The following NHS variants were observed in gnomAD, a reference collection of about 807,000 sequenced individuals.
NHS encodes actin remodeling regulator NHS.
A neutral mutation model predicts 72.5 loss-of-function variants in NHS; 5 were observed. That is an observed-to-expected ratio of 0.07 (90% CI 0.04 to 0.14). The LOEUF (loss-of-function observed/expected upper bound fraction) is 0.14, where lower values mean the gene tolerates loss of function less well. NHS is among the 10% of genes least tolerant of loss of function. The pLI is 1.00. For missense variants in NHS, 1,072 were observed against 1,355.7 expected (o/e 0.79, Z 3.29); for synonymous variants, 464 against 547.7 (o/e 0.85, Z 2.13).
intron 1 of NHS, among the ~76,000 whole-genome samples, chrX:17,382,916 C>A (rs1043911885): frequency 2.2e-4 from 25 of 111,922 alleles, no homozygotes; most frequent in Non-Finnish European, 3.9e-4. Flanking sequence ...CCAGAGGTGC[C>A]AGCAGGTTAA....
rs754186399 is a variant in NHS at position 17,536,312 on chromosome X, G to A, written c.566-151430G>A. Among the ~76,000 whole-genome samples the A allele has an allele frequency of 5.0e-4, 56 of 112,534 alleles. 1 individual carries two copies. The highest frequency in any genetic ancestry group is 3.9e-3 in the Admixed American group (42 of 10,706). ...GGAGCTTGCAGTGAGCCGAGATCGC[G>A]CCACTGCACTCCAGCCTGGGCAACA... On this transcript the variant is annotated intron_variant, in intron 1 of 8. Coordinates refer to ENST00000676302, the MANE Select transcript of NHS (RefSeq NM_001291867.2).
chrX:17,726,699 G>A lies in NHS; in HGVS notation c.2593G>A (p.Ala865Thr), dbSNP rs149609550. 1,893 of 1,210,303 alleles carry A rather than the reference G, an allele frequency of 1.6e-3. 1 individual carries two copies. The highest frequency in any genetic ancestry group is 1.9e-3 in the Non-Finnish European group (1,700 of 895,331). ...ATCATTGAGGAAGTCTGATGGAAACGCAGATATTTCTGAGAAGAAAGAACC... is the reference window on the plus strand; with the variant it reads ...ATCATTGAGGAAGTCTGATGGAAACACAGATATTTCTGAGAAGAAAGAACC... ...SSSLRKSDGN[A>T]DISEKKEPKI... Residue 865 changes from alanine (A) to threonine (T), a missense_variant, in exon 7 of 9, where the codon GCA (alanine) becomes ACA (threonine). Physicochemically the swap from Ala to Thr is moderately conservative, Grantham distance 58. Coordinates refer to ENST00000676302, the MANE Select transcript of NHS (RefSeq NM_001291867.2).
chrX:17,446,391 C>A (rs1379122568), intron 1 of NHS, among the ~76,000 whole-genome samples: 2 of 111,300 alleles, frequency 1.8e-5, no homozygotes, highest in African/African-American at 6.5e-5. Context: ...TGAAGAATCA[C>A]AACAGAAGTG....
At chrX:17,470,908 A>G (rs930656195) in intron 1 of NHS, among the ~76,000 whole-genome samples, 3 of 111,542 alleles carry the variant, frequency 2.7e-5, no homozygotes, top group African/African-American at 9.8e-5. Context: ...ATTGACAGAC[A>G]AGGTAGGCTT....
chrX:17,663,934 T>C (rs1259270499), intron 1 of NHS, among the ~76,000 whole-genome samples: 1 of 112,126 alleles, frequency 8.9e-6, no homozygotes, highest in Admixed American at 9.4e-5. Context: ...TTCATTTGCA[T>C]TTCTGTGATG....
intron 1 of NHS, chrX:17,552,261 G>A (rs5909374): frequency 0.28 from 31,711 of 111,534 alleles, 3,588 homozygotes; most frequent in East Asian, 0.71. Flanking sequence ...CATCTGCTGG[G>A]AATAGTATTT....
rs188645959 is a variant in NHS at position 17,681,091 on chromosome X, G to T, written c.566-6651G>T. ...TGTCAGAGAGGTCACAGGCTCCCCA[G>T]TTGTGGGCAGTCTTCTTTCCAGTTT... is the stretch of plus-strand genomic sequence containing the variant. On this transcript the variant is annotated intron_variant, in intron 1 of 8. Coordinates refer to ENST00000676302, the MANE Select transcript of NHS (RefSeq NM_001291867.2). 8.9e-5 allele frequency among the ~76,000 whole-genome samples: 10 copies of T among 112,064 alleles called. No individual in the cohort carries two copies. The East Asian group carries it at 2.8e-3, about 32-fold the overall frequency.
chrX:17,650,725 C>T (rs1175537139), intron 1 of NHS, among the ~76,000 whole-genome samples: 2 of 112,460 alleles, frequency 1.8e-5, no homozygotes, highest in African/African-American at 6.5e-5. Flanking sequence ...CTTGTAGAGT[C>T]AATTCTTCCA....
rs777191283 is a variant in NHS, at chrX:17,608,697, A to C, written c.566-79045A>C. ...TTTTTTTTTTTTTTGGGGGGATATA[A>C]GTTTATGTGTGTGTTGAAGCCCTTG... is the stretch of plus-strand genomic sequence containing the variant. On this transcript the variant is annotated intron_variant, in intron 1 of 8. Coordinates refer to ENST00000676302, the MANE Select transcript of NHS (RefSeq NM_001291867.2). Among the ~76,000 whole-genome samples the C allele has an allele frequency of 5.5e-5, 6 of 109,802 alleles. No individual in the cohort carries two copies. The East Asian group carries it at 1.7e-3, about 31-fold the overall frequency.
chrX:17,666,316 A>G (rs1228542503), intron 1 of NHS, among the ~76,000 whole-genome samples: 2 of 112,436 alleles, frequency 1.8e-5, no homozygotes, highest in African/African-American at 3.2e-5. Context: ...GTAGAGGTAA[A>G]TGCAACTCTT....
At chrX:17,424,400 T>G (rs1437606953) in intron 1 of NHS, among the ~76,000 whole-genome samples, 1 of 111,550 alleles carries the variant, frequency 9.0e-6, no homozygotes, top group African/African-American at 3.3e-5. Context: ...GTCCCTACAG[T>G]GTGGAGATGG....
chrX:17,498,748 A>G (rs6629231), intron 1 of NHS, among the ~76,000 whole-genome samples: 2 of 109,580 alleles, frequency 1.8e-5, no homozygotes, highest in East Asian at 5.8e-4. Flanking sequence ...CGGAGAAACA[A>G]CAAAGAGATC....
At chrX:17,511,359 G>A (rs1470905693) in intron 1 of NHS, among the ~76,000 whole-genome samples, 1 of 111,758 alleles carries the variant, frequency 8.9e-6, no homozygotes, top group Non-Finnish European at 1.9e-5. Context: ...GCACTCTTCT[G>A]CCCCTGTCAC....
intron 1 of NHS, among the ~76,000 whole-genome samples, chrX:17,415,746 A>G (rs780261207): frequency 8.9e-6 from 1 of 112,083 alleles, no homozygotes; most frequent in Non-Finnish European, 1.9e-5. Flanking sequence ...CAAACATTCC[A>G]CAAGTTGGAG....
At chrX:17,437,106 A>C (rs1173834356) in intron 1 of NHS, among the ~76,000 whole-genome samples, 1 of 111,579 alleles carries the variant, frequency 9.0e-6, no homozygotes, top group Non-Finnish European at 1.9e-5. Flanking sequence ...CCCGGAAAAC[A>C]TGCGGTGGGC....
At chrX:17,723,770 T>TGTGTGTGTGTGCGTGTGCGC (rs541219770) in intron 5 of NHS, among the ~76,000 whole-genome samples, 1 of 91,337 alleles carries the variant, frequency 1.1e-5, no homozygotes, top group African/African-American at 5.1e-5. Flanking sequence ...TGTGTGTGTG[T>TGTGTGTGTGTGCGTGTGCGC]GCGCGCGCGT....
At chrX:17,662,833 C>T (rs2065988961) in intron 1 of NHS, among the ~76,000 whole-genome samples, 1 of 112,076 alleles carries the variant, frequency 8.9e-6, no homozygotes, top group Non-Finnish European at 1.9e-5. Flanking sequence ...GGTGTTACCT[C>T]AAAATCTAGG....
intron 1 of NHS, among the ~76,000 whole-genome samples, chrX:17,606,099 G>A (rs1294982368): frequency 2.7e-5 from 3 of 111,987 alleles, no homozygotes; most frequent in African/African-American, 6.5e-5. Flanking sequence ...ATTAGCTCCC[G>A]TGGGGTATGG....
intron 1 of NHS, among the ~76,000 whole-genome samples, chrX:17,673,039 G>A (rs927241521): frequency 9.0e-6 from 1 of 110,844 alleles, no homozygotes; most frequent in Non-Finnish European, 1.9e-5. Flanking sequence ...AGAAAGGACA[G>A]ATTAAAAGGA....
Sources: allele counts gnomAD v4.1 joint callset (sites outside exome capture counted in the v4.1 genomes callset), GRCh38; gene constraint gnomAD v4.1.1; transcripts MANE v1.5; gene names NCBI Gene and HGNC (gene_info 2026-07-23, HGNC 2026-07-21).